Variants in USP36 observed in about 807,000 individuals in gnomAD.
USP36 encodes ubiquitin specific peptidase 36.
Under a neutral mutation model 111.5 loss-of-function variants are expected in USP36, and 59 were observed. The observed-to-expected ratio is 0.53, with a 90% CI of 0.43 to 0.66. The LOEUF (loss-of-function observed/expected upper bound fraction) is 0.66. USP36 is among the 30% of genes least tolerant of loss of function. The pLI is 0.00. For missense variants in USP36, 1,488 were observed against 1,468.0 expected, an observed-to-expected ratio of 1.01 and a Z score of -0.22; for synonymous variants, 628 against 581.0, an observed-to-expected ratio of 1.08 and a Z score of -1.16.
At chr17:78,838,461 A>G (rs1243427552) in intron 2 of USP36, 126 bp downstream of exon 2, 1 of 152,066 alleles carries the variant, frequency 6.6e-6, no homozygotes, top group Non-Finnish European at 1.5e-5. Context: ...GTCTGATTTG[A>G]GAAAATAAAA....
intron 5 of USP36, among the ~76,000 whole-genome samples, chr17:78,828,182 C>A (rs1240088470): frequency 6.6e-6 from 1 of 152,166 alleles, no homozygotes; most frequent in East Asian, 1.9e-4. Context: ...CCACTGTCCT[C>A]CAGCCTAGGT....
chr17:78,798,399 C>T lies in USP36; in HGVS notation c.*20+1G>A. On this transcript the variant is annotated splice_donor_variant, in intron 20 of 20. Coordinates refer to ENST00000449938, the MANE Select transcript of USP36 (RefSeq NM_001385174.1). LOFTEE classifies it low-confidence loss of function (3UTR_SPLICE). This position sits in a 1 kb window ranked among gnomAD's most constrained non-coding sequence, Gnocchi z 5.1. ...CTTACACCCACCCCCTCGGAACCGACCTCCTTCCACAGGGGCACAGTCAGC... is the reference window on the plus strand; with the variant it reads ...CTTACACCCACCCCCTCGGAACCGATCTCCTTCCACAGGGGCACAGTCAGC... The T allele has an allele frequency of 2.5e-6, 4 of 1,614,020 alleles. No homozygotes were observed. The African/African-American group carries it at 5.3e-5, about 22-fold the overall frequency.
At chr17:78,839,698 A>G (rs2069062255) in intron 1 of USP36, among the ~76,000 whole-genome samples, 1 of 152,174 alleles carries the variant, frequency 6.6e-6, no homozygotes, top group African/African-American at 2.4e-5. Flanking sequence ...GTCAATCTCT[A>G]CTTCACCAAT....
chr17:78,816,271 T>G (rs931013312), intron 10 of USP36, among the ~76,000 whole-genome samples: 2 of 151,832 alleles, frequency 1.3e-5, no homozygotes, highest in Non-Finnish European at 2.9e-5. Flanking sequence ...GCAATCCTCC[T>G]ATCTCTACCT....
intron 8 of USP36, among the ~76,000 whole-genome samples, chr17:78,820,237 G>A (rs1474515534): frequency 6.6e-6 from 1 of 152,226 alleles, no homozygotes; most frequent in Non-Finnish European, 1.5e-5. Context: ...CACCTTGGGA[G>A]GCCGGGGCAG....
chr17:78,788,856 C>T (rs968655139), intron 3 of USP36, among the ~76,000 whole-genome samples: 3 of 151,930 alleles, frequency 2.0e-5, no homozygotes, highest in Admixed American at 6.6e-5. Context: ...GAGGTGGGGA[C>T]GGGAGGGACA....
rs866645533 is a variant in USP36, at chr17:78,809,622, G to T, written c.1408-1986C>A. 2.4e-4 allele frequency among the ~76,000 whole-genome samples: 36 copies of T among 152,152 alleles called. No individual in the cohort carries two copies. In the Middle Eastern group the frequency reaches 0.014, roughly 58 times the overall value. ...CCCATGGAGTTCCTGTGGCAAGTGG[G>T]GCTTCCTTTGTTTTTCTGGGGTTTT... On this transcript the variant is annotated intron_variant, in intron 13 of 20. Transcript: ENST00000449938.
At chr17:78,835,821 C>T (rs561920009) in intron 3 of USP36, among the ~76,000 whole-genome samples, 1 of 152,182 alleles carries the variant, frequency 6.6e-6, no homozygotes, top group African/African-American at 2.4e-5. Context: ...CAGCCCACCC[C>T]ATTTCTCTTT....
intron 6 of USP36, among the ~76,000 whole-genome samples, chr17:78,823,891 A>G (rs1416089983): frequency 6.6e-6 from 1 of 152,258 alleles, no homozygotes; most frequent in Non-Finnish European, 1.5e-5. Flanking sequence ...CTTGAAAACC[A>G]GCCGACCCAC....
rs1284546023 is a variant in USP36 at position 78,807,189 on chromosome 17, C to T, written c.1855G>A (p.Ala619Thr). ...GGGGCCTTGGTGGAGTCGCTGCTGG[C>T]CGAGTGCTCTGGGCTGGAGCTGCTG... ...GSSSSSPEHS[A>T]SSDSTKAPQT... Residue 619 changes from alanine (A) to threonine (T), a missense_variant, in exon 14 of 21, where the codon GCC (alanine) becomes ACC (threonine). This residue lies in a region of USP36 where 1,073 missense variants were observed against 994.1 expected (regional missense o/e 1.08). Transcript: ENST00000449938. The T allele has an allele frequency of 1.9e-6, 3 of 1,613,984 alleles. No individual in the cohort carries two copies. The highest frequency in any genetic ancestry group is 2.5e-6 in the Non-Finnish European group (3 of 1,180,000).
intron 9 of USP36, among the ~76,000 whole-genome samples, chr17:78,819,559 G>A (rs959379777): frequency 2.6e-5 from 4 of 152,352 alleles, no homozygotes; most frequent in East Asian, 1.9e-4. Flanking sequence ...GCGGCCGCCC[G>A]GTGCCAGCCA....
intron 3 of USP36, among the ~76,000 whole-genome samples, chr17:78,788,429 C>T (rs889105660): frequency 2.6e-5 from 4 of 152,204 alleles, no homozygotes; most frequent in African/African-American, 9.6e-5. Flanking sequence ...TCCCAAAGTG[C>T]TGGGATTACA....
chr17:78,795,009 G>GGA (rs2093611012), downstream of USP36, among the ~76,000 whole-genome samples: 2 of 115,506 alleles, frequency 1.7e-5, no homozygotes, highest in East Asian at 2.5e-4. This position sits in a 1 kb window ranked among gnomAD's most constrained non-coding sequence, Gnocchi z 4.5. Flanking sequence ...CTCTGTTCGG[G>GGA]AAAAAAAAAA....
At chr17:78,788,500 T>C (rs1308689318) in intron 3 of USP36, among the ~76,000 whole-genome samples, 1 of 152,106 alleles carries the variant, frequency 6.6e-6, no homozygotes, top group African/African-American at 2.4e-5. Flanking sequence ...TCTATTTCGT[T>C]ACCTTTATGT....
chr17:78,828,831 C>T lies in USP36; in HGVS notation c.586+66G>A, dbSNP rs189810277. ...ACCAGCCTGGGCAACATAGCGAGAA[C>T]CCCATCTCTACAAAAAATTAAAAAA... On this transcript the variant is annotated intron_variant, in intron 5 of 20. Coordinates refer to ENST00000449938, the MANE Select transcript of USP36 (RefSeq NM_001385174.1). The T allele has an allele frequency of 1.1e-4, 161 of 1,486,904 alleles. 1 individual carries two copies. The African/African-American group carries it at 2.0e-3, about 18-fold the overall frequency. The allele number at this position is 1,486,904 out of a possible 1,614,324, so 92.1% of individuals were successfully genotyped here. A position where few individuals can be genotyped will look rare whatever the true frequency, so the allele number is the denominator to read the frequency against.
chr17:78,828,832 C>T, intron 5 of USP36, 65 bp downstream of exon 5: 8 of 1,492,246 alleles, frequency 5.4e-6, no homozygotes, highest in Non-Finnish European at 6.4e-6. Context: ...TAGCGAGAAC[C>T]CCATCTCTAC....
Position 78,818,732 on chromosome 17 carries a change from T to C in USP36, c.958A>G (p.Thr320Ala). 6.8e-6 allele frequency: 11 copies of C among 1,614,076 alleles called. No individual in the cohort carries two copies. Among genetic ancestry groups the C allele is most frequent in the Non-Finnish European group, 8.5e-6 (10 of 1,179,942 alleles). The change falls in exon 10 of 21, where the codon ACA (threonine) becomes GCA (alanine). Residue 320 changes from threonine to alanine, a missense_variant. Around this residue, in one of 3 missense-constraint regions of USP36, gnomAD observed 196 missense variants for 264.4 expected, o/e 0.74. Transcript: ENST00000449938. ...AGGGAAAGGGTTAAGACGTTGGATG[T>C]TCTGTGGATGGTGAAGCGCTTGCTG... ...PASKRFTIHR[T>A]SNVLTLSLKR...
chr17:78,796,443 C>A lies in USP36; in HGVS notation c.*1457G>T, dbSNP rs1490809908. The A allele has an allele frequency of 6.6e-6, 1 of 152,242 alleles. No homozygotes were observed. 9.4% of individuals were successfully genotyped at this position (152,242 alleles called of 1,614,324 possible). ...AGAGGGCACCCTGAGCAGCTCCACT[C>A]ACTGCTGCTGGGACACAGGTGGCCA... is the stretch of plus-strand genomic sequence containing the variant. On this transcript the variant is annotated 3_prime_UTR_variant, in exon 21 of 21. Transcript: ENST00000449938.
Position 78,807,560 on chromosome 17 carries a change from G to T in USP36, c.1484C>A (p.Thr495Asn). The change falls in exon 14 of 21, where the codon ACC (threonine) becomes AAC (asparagine). Residue 495 changes from threonine (T) to asparagine (N), a missense_variant. Coordinates refer to ENST00000449938, the MANE Select transcript of USP36 (RefSeq NM_001385174.1). ...IGVPISRNGS[T>N]LGLKSQNGCI... The stretch of plus-strand genomic sequence containing the variant: ...GCCGTTCTGGGACTTCAGGCCCAGG[G>T]TGGAGCCATTCCTGGATATGGGCAC... 1 of 1,609,698 alleles carries T rather than the reference G, an allele frequency of 6.2e-7. No homozygotes were observed. Among genetic ancestry groups the T allele is most frequent in the Non-Finnish European group, 8.5e-7 (1 of 1,177,924 alleles).
Sources: allele counts gnomAD v4.1 joint callset (sites outside exome capture counted in the v4.1 genomes callset), GRCh38; gene constraint gnomAD v4.1.1; regional missense constraint gnomAD v4.1.1; non-coding constraint Gnocchi (gnomAD v3.1); transcripts MANE v1.5; gene names NCBI Gene and HGNC (gene_info 2026-07-23, HGNC 2026-07-21).